Variants in UNC13A observed in about 807,000 individuals in gnomAD.
UNC13A encodes the protein protein unc-13 homolog A.
A neutral mutation model predicts 219.7 loss-of-function variants in UNC13A; 61 were observed. The ratio of observed to expected loss-of-function variants is 0.28; its 90% CI spans 0.23 to 0.34. The LOEUF is 0.34. Ranked by LOEUF, UNC13A falls within the 10% of genes least tolerant of loss-of-function variation. The pLI, the probability that UNC13A is intolerant of heterozygous loss-of-function variation, is 1.00. For missense variants in UNC13A, 1,476 were observed against 2,270.3 expected (o/e 0.65, Z 7.11); for synonymous variants, 920 against 884.6 (o/e 1.04, Z -0.71).
intron 11 of UNC13A, among the ~76,000 whole-genome samples, chr19:17,653,821 CTTTTTTT>C (rs57243215): frequency 0.014 from 1,080 of 78,342 alleles, 7 homozygotes; most frequent in African/African-American, 0.023. Flanking sequence ...TATCACTTCT[CTTTTTTT>C]TTTTTTTTTT....
At chr19:17,670,307 C>A (rs1251787562) in intron 4 of UNC13A, among the ~76,000 whole-genome samples, 1 of 151,628 alleles carries the variant, frequency 6.6e-6, no homozygotes, top group African/African-American at 2.4e-5. Context: ...GTGGCGTGAT[C>A]TCAGCTCACT....
At chr19:17,650,506 C>G (rs1293241380) in intron 12 of UNC13A, among the ~76,000 whole-genome samples, 2 of 152,120 alleles carry the variant, frequency 1.3e-5, no homozygotes, top group Non-Finnish European at 2.9e-5. Context: ...GAGCGAGACT[C>G]TGTATCAAAA....
intron 5 of UNC13A, 81 bp downstream of exon 5, chr19:17,669,472 C>T (rs1229174903): frequency 1.3e-6 from 2 of 1,553,328 alleles, no homozygotes; most frequent in Non-Finnish European, 1.7e-6. Flanking sequence ...CCTACCCAGG[C>T]CTGTTCACTC....
chr19:17,668,555 C>T lies in UNC13A; in HGVS notation c.395-365G>A, dbSNP rs564522059. 3.3e-5 allele frequency among the ~76,000 whole-genome samples: 5 copies of T among 152,206 alleles called. No homozygotes were observed. The East Asian group carries it at 9.7e-4, about 29-fold the overall frequency. Reference sequence around the variant, plus strand: ...AGGCTGGAGTGAAGTGGTACAATCTCAGTTCACTGCAACCTCCACCTCCTG... The same window carrying T: ...AGGCTGGAGTGAAGTGGTACAATCTTAGTTCACTGCAACCTCCACCTCCTG... On this transcript the variant is annotated intron_variant, in intron 5 of 43. Transcript: ENST00000519716.
chr19:17,606,967 C>T lies in UNC13A; in HGVS notation c.4812-613G>A, dbSNP rs148103696. ...CCTGACGCCAGCTGGATAAGAGCCC[C>T]TCCTACAGGGTCACGCCCAGCTTCT... On this transcript the variant is annotated intron_variant, in intron 43 of 43. Transcript: ENST00000519716. 1.4e-4 allele frequency among the ~76,000 whole-genome samples: 22 copies of T among 152,260 alleles called. No individual in the cohort carries two copies. In the East Asian group the frequency reaches 4.2e-3, roughly 29 times the overall value.
At chr19:17,652,023 G>C (rs1407956382) in intron 12 of UNC13A, among the ~76,000 whole-genome samples, 2 of 152,252 alleles carry the variant, frequency 1.3e-5, no homozygotes, top group Non-Finnish European at 2.9e-5. Context: ...TTTAAAAATA[G>C]AATCAACGCA....
In UNC13A at chr19:17,665,200, C is replaced by CA. The variant is rs1419437837; in HGVS notation, c.523+1449dup. Among the ~76,000 whole-genome samples the CA allele has an allele frequency of 6.6e-3, 281 of 42,554 alleles. 1 individual carries two copies. The highest frequency in any genetic ancestry group is 0.039 in the Middle Eastern group (3 of 76). The allele number at this position is 42,554 out of a possible 152,430, so 27.9% of individuals were successfully genotyped here. Reference sequence around the variant, plus strand: ...GGGTGACAGAGGGAGACTCTATCTCCAAGAAAAAAAAAAAGAGAAGAAGAA... The same window carrying CA: ...GGGTGACAGAGGGAGACTCTATCTCCAAAGAAAAAAAAAAAGAGAAGAAGAA... On this transcript the variant is annotated intron_variant, in intron 7 of 43. Coordinates refer to ENST00000519716, the MANE Select transcript of UNC13A (RefSeq NM_001080421.3).
intron 11 of UNC13A, 118 bp from the exon 12 acceptor site, chr19:17,652,795 C>A: frequency 1.8e-6 from 2 of 1,113,672 alleles, no homozygotes; most frequent in Non-Finnish European, 2.7e-6. Flanking sequence ...GGGTCCTAGT[C>A]CTGGCTGAGT....
At chr19:17,607,468 G>A (rs1449518347) in intron 43 of UNC13A, among the ~76,000 whole-genome samples, 1 of 136,698 alleles carries the variant, frequency 7.3e-6, no homozygotes, top group African/African-American at 2.6e-5. Flanking sequence ...GGCGGGGGGG[G>A]GGGTCTCACC....
intron 41 of UNC13A, among the ~76,000 whole-genome samples, chr19:17,614,901 A>T (rs2076646389): frequency 6.6e-6 from 1 of 151,948 alleles, no homozygotes; most frequent in Admixed American, 6.6e-5. Flanking sequence ...TGCCAGGGGG[A>T]ATTGGACAGT....
chr19:17,648,360 C>T, intron 16 of UNC13A, 71 bp downstream of exon 16: 3 of 1,406,472 alleles, frequency 2.1e-6, no homozygotes, highest in African/African-American at 1.5e-5. Flanking sequence ...GCCCTTCAGC[C>T]TTTCCCCGCC....
intron 31 of UNC13A, chr19:17,628,197 A>G (rs1372244257): frequency 1.9e-6 from 1 of 535,116 alleles, no homozygotes. Flanking sequence ...TGGGGGGTCC[A>G]TGAGAGGGGC....
At chr19:17,642,812 G>A (rs1371235863) in intron 20 of UNC13A, 33 bp downstream of exon 20, 2 of 1,548,634 alleles carry the variant, frequency 1.3e-6, no homozygotes, top group South Asian at 2.3e-5. Context: ...GTGAGTGGAA[G>A]TGGCATGGGA....
rs868139129 is a variant in UNC13A at position 17,656,035 on chromosome 19, G to A, written c.1131C>T (p.Leu377=). 6.4e-7 allele frequency: 1 copy of A among 1,565,826 alleles called. No homozygotes were observed. The highest frequency in any genetic ancestry group is 8.7e-7 in the Non-Finnish European group (1 of 1,154,714). Residue 377 remains leucine, a synonymous_variant, in exon 10 of 44, where the codon CTC becomes CTT. Transcript: ENST00000519716. Reference sequence around the variant, plus strand: ...CCTCCTTCCCTGGGGCAGCTGGCGGGAGGCTGATGCGTTTGAAGTCTTTGG... The same window carrying A: ...CCTCCTTCCCTGGGGCAGCTGGCGGAAGGCTGATGCGTTTGAAGTCTTTGG... ...AEPKDFKRIS[L]PPAAPGKEDK... is the part of the protein sequence containing the mutation.
intron 41 of UNC13A, among the ~76,000 whole-genome samples, chr19:17,614,732 C>CCCGGTCTTTGCTGCACGCCCCAGG (rs2076643587): frequency 1.3e-5 from 2 of 152,076 alleles, no homozygotes; most frequent in African/African-American, 4.8e-5. Context: ...GGTATGTGGC[C>CCCGGTCTTTGCTGCACGCCCCAGG]CCGGTCTTTG....
rs1599401525 is a variant in UNC13A, at chr19:17,667,941, A to G, written c.468+176T>C. On this transcript the variant is annotated intron_variant, in intron 6 of 43. Transcript: ENST00000519716. ...TGGCCTCTGTGTGTTTCTTGACCCC[A>G]TCATTGTCTAGAGACTGGACCACAT... Among the ~76,000 whole-genome samples the G allele has an allele frequency of 2.0e-5, 3 of 152,096 alleles. 1 individual carries two copies. Among genetic ancestry groups the G allele is most frequent in the Non-Finnish European group, 1.5e-5 (1 of 67,992 alleles).
At chr19:17,641,695 C>T in intron 20 of UNC13A, 139 bp from the exon 21 acceptor site, 1 of 805,068 alleles carries the variant, frequency 1.2e-6, no homozygotes, top group Non-Finnish European at 1.9e-6. Flanking sequence ...TATCCATCCA[C>T]ACACCCACCC....
chr19:17,620,825 A>G (rs996272746), intron 37 of UNC13A, 103 bp from the exon 38 acceptor site: 1 of 1,365,238 alleles, frequency 7.3e-7, no homozygotes, highest in Non-Finnish European at 1.0e-6. Context: ...TTCCCAGCCC[A>G]GGAGCTCCTC....
intron 7 of UNC13A, among the ~76,000 whole-genome samples, chr19:17,664,538 G>A (rs888027908): frequency 1.3e-5 from 2 of 152,180 alleles, no homozygotes; most frequent in African/African-American, 4.8e-5. Context: ...GGTAAATACT[G>A]AGTGGTGGTC....
Sources: allele counts gnomAD v4.1 joint callset (sites outside exome capture counted in the v4.1 genomes callset), GRCh38; gene constraint gnomAD v4.1.1; transcripts MANE v1.5; gene names NCBI Gene and HGNC (gene_info 2026-07-23, HGNC 2026-07-21).